ZNF680: variants seen among roughly 807,000 people sequenced by gnomAD.
ZNF680 encodes zinc finger protein 680.
ZNF680 carries 6 observed loss-of-function variants against 12.1 expected under a neutral mutation model. The ratio of observed to expected loss-of-function variants is 0.49; its 90% CI spans 0.27 to 0.98. The LOEUF (loss-of-function observed/expected upper bound fraction) is 0.98. Ranked by LOEUF, ZNF680 falls within the 50% of genes least tolerant of loss-of-function variation. ZNF680 has a pLI of 0.12. For missense variants in ZNF680, 561 were observed against 616.3 expected (o/e 0.91, Z 0.95); for synonymous variants, 170 against 199.3 (o/e 0.85, Z 1.24).
At chr7:64,501,589 ACT>A in the ZNF680 span, 1 of 753,242 alleles carries the variant, frequency 1.3e-6, no homozygotes, top group Non-Finnish European at 2.4e-6. Flanking sequence ...GGCGCAGATG[ACT>A]CTGCTGAGGA....
At chr7:64,508,123 G>GTGTATATATATATATATATATATA in the ZNF680 span, among the ~76,000 whole-genome samples, 28 of 117,666 alleles carry the variant, frequency 2.4e-4, no homozygotes, top group African/African-American at 1.1e-3. Context: ...ATTTTAAAAT[G>GTGTATATATATATATATATATATA]TATATATATA....
chr7:64,544,879 G>T (rs1297743692), intron 1 of ZNF680, among the ~76,000 whole-genome samples: 2 of 152,138 alleles, frequency 1.3e-5, no homozygotes, highest in Non-Finnish European at 2.9e-5. Context: ...AATAAAGTTT[G>T]AATTTCTGAA....
chr7:64,526,591 TAA>T (rs1469808123), intron 3 of ZNF680: 4 of 374,916 alleles, frequency 1.1e-5, no homozygotes, highest in Non-Finnish European at 1.9e-5. Flanking sequence ...GACAGCATCA[TAA>T]AACTATATAT....
At position 64,521,561 on chromosome 7, in the gene ZNF680, C is replaced by G; in HGVS notation, c.1193G>C (p.Arg398Thr). The G allele has an allele frequency of 6.2e-7, 1 of 1,611,140 alleles. No homozygotes were observed. Among genetic ancestry groups the G allele is most frequent in the Non-Finnish European group, 8.5e-7 (1 of 1,179,206 alleles). ...IQSSNLTEHM[R>T]IHTGEKPYKC... ...GTAGGGTTTCTCTCCAGTATGAATTCTCATATGTTCAGTAAGGTTTGAGGA... is the reference window on the plus strand; with the variant it reads ...GTAGGGTTTCTCTCCAGTATGAATTGTCATATGTTCAGTAAGGTTTGAGGA... The change falls in exon 4 of 4, where the codon AGA (arginine) becomes ACA (threonine). Residue 398 changes from arginine (R) to threonine (T), a missense_variant. Coordinates refer to ENST00000309683, the MANE Select transcript of ZNF680 (RefSeq NM_178558.5).
intron 3 of ZNF680, chr7:64,524,922 A>G: frequency 6.6e-6 from 1 of 151,908 alleles, no homozygotes; most frequent in Non-Finnish European, 1.5e-5. Flanking sequence ...ACTCTTGAGC[A>G]TGCTTGTTGA....
At chr7:64,532,899 C>T (rs984500016) in intron 3 of ZNF680, among the ~76,000 whole-genome samples, 1 of 152,114 alleles carries the variant, frequency 6.6e-6, no homozygotes, top group African/African-American at 2.4e-5. Context: ...TGATACACCA[C>T]ATAAACAGAG....
intron 1 of ZNF680, among the ~76,000 whole-genome samples, chr7:64,560,757 AG>A (rs958735180): frequency 2.0e-5 from 3 of 151,734 alleles, no homozygotes; most frequent in African/African-American, 7.3e-5. Context: ...GGTTGCAGTG[AG>A]CCAAGATCAT....
intron 1 of ZNF680, among the ~76,000 whole-genome samples, chr7:64,554,278 A>C (rs143527732): frequency 0.33 from 45,371 of 138,614 alleles, 7,108 homozygotes; most frequent in East Asian, 0.47. Context: ...CCTGCCGCCA[A>C]CCCGTCTGGG....
Position 64,562,916 on chromosome 7 carries a change from C to CTT in ZNF680, c.30+8_30+9insAA. On this transcript the variant is annotated intron_variant, in intron 1 of 3. Coordinates refer to ENST00000309683, the MANE Select transcript of ZNF680 (RefSeq NM_178558.5). Reference sequence around the variant, plus strand: ...CCCCCTCTCTCGGGGTGTCGGACCGCACTCTCACCATTTCTAGGCTTCCAG... The same window carrying CTT: ...CCCCCTCTCTCGGGGTGTCGGACCGCTTACTCTCACCATTTCTAGGCTTCCAG... 1 of 1,613,852 alleles carries CTT rather than the reference C, an allele frequency of 6.2e-7. No individual in the cohort carries two copies. Among genetic ancestry groups the CTT allele is most frequent in the East Asian group, 2.2e-5 (1 of 44,868 alleles).
the ZNF680 span, among the ~76,000 whole-genome samples, chr7:64,512,768 T>C: frequency 6.6e-6 from 1 of 152,148 alleles, no homozygotes; most frequent in African/African-American, 2.4e-5. Flanking sequence ...TAAATCTTTT[T>C]TTTTTCTGTG....
At chr7:64,537,322 AAATTT>A (rs1786222197) in intron 3 of ZNF680, among the ~76,000 whole-genome samples, 1 of 152,152 alleles carries the variant, frequency 6.6e-6, no homozygotes, top group African/African-American at 2.4e-5. Context: ...CCCTGTCTTT[AAATTT>A]AATTTAATTT....
the ZNF680 span, chr7:64,501,424 C>T: frequency 1.9e-6 from 2 of 1,058,058 alleles, no homozygotes; most frequent in Non-Finnish European, 1.5e-6. Flanking sequence ...GGAACTGACC[C>T]AGATAAAACA....
At position 64,544,412 on chromosome 7, in the gene ZNF680, A is replaced by G; in HGVS notation, c.51T>C (p.Asp17=). 6.2e-7 allele frequency: 1 copy of G among 1,601,336 alleles called. No individual in the cohort carries two copies. Among genetic ancestry groups the G allele is most frequent in the Middle Eastern group, 1.7e-4 (1 of 5,968 alleles). The change falls in exon 2 of 4, where the codon GAT becomes GAC. Residue 17 remains aspartate, a synonymous_variant. Transcript: ENST00000309683. ...CCTCCAGAGAGAATTCTATGGCCAC[A>G]TCCCTAAATGTCAGTGGTCCCTGAA... The part of the protein sequence containing the change: ...SLEMGPLTFR[D]VAIEFSLEEW...
chr7:64,534,391 G>A (rs1019488924), intron 3 of ZNF680, among the ~76,000 whole-genome samples: 1 of 152,092 alleles, frequency 6.6e-6, no homozygotes, highest in Non-Finnish European at 1.5e-5. Context: ...TATACAAATG[G>A]CCAACAAAAA....
intron 1 of ZNF680, among the ~76,000 whole-genome samples, chr7:64,550,196 C>A (rs1056534371): frequency 2.0e-5 from 3 of 152,102 alleles, no homozygotes; most frequent in African/African-American, 7.2e-5. Context: ...TATTTATTTA[C>A]AAAAATAAAA....
chr7:64,505,900 A>G, the ZNF680 span, among the ~76,000 whole-genome samples: 2 of 152,094 alleles, frequency 1.3e-5, no homozygotes, highest in Admixed American at 1.3e-4. Context: ...AGCTTACAGC[A>G]TGGCCCACCT....
intron 3 of ZNF680, among the ~76,000 whole-genome samples, chr7:64,542,310 A>G (rs551824254): frequency 5.3e-5 from 8 of 152,234 alleles, no homozygotes; most frequent in Non-Finnish European, 1.0e-4. Flanking sequence ...ACACCAATGC[A>G]AAACTATATT....
chr7:64,537,646 G>A (rs536317399), intron 3 of ZNF680, among the ~76,000 whole-genome samples: 7 of 152,220 alleles, frequency 4.6e-5, no homozygotes, highest in East Asian at 1.9e-4. Flanking sequence ...CAGAATAGAC[G>A]GCCAGGTGCG....
chr7:64,531,652 G>A lies in ZNF680; in HGVS notation c.254-9152C>T, dbSNP rs935195336. Among the ~76,000 whole-genome samples, 3 of 148,748 alleles carry A rather than the reference G, an allele frequency of 2.0e-5. No individual in the cohort carries two copies. In the East Asian group the frequency reaches 5.9e-4, roughly 29 times the overall value. The stretch of plus-strand genomic sequence containing the variant: ...ACTCCAAAAAAACCTTCAAAACCAT[G>A]CAAATACATGGAAATTAAATAACCT... On this transcript the variant is annotated intron_variant, in intron 3 of 3. Coordinates refer to ENST00000309683, the MANE Select transcript of ZNF680 (RefSeq NM_178558.5).
Sources: allele counts gnomAD v4.1 joint callset (sites outside exome capture counted in the v4.1 genomes callset), GRCh38; gene constraint gnomAD v4.1.1; transcripts MANE v1.5; gene names NCBI Gene and HGNC (gene_info 2026-07-23, HGNC 2026-07-21).